CNTN1: variants seen among roughly 807,000 people sequenced by gnomAD.
CNTN1 encodes the protein contactin 1.
CNTN1 carries 38 observed loss-of-function variants against 126.4 expected under a neutral mutation model. The observed-to-expected ratio is 0.30, with a 90% CI of 0.23 to 0.39. The LOEUF is 0.39. CNTN1 is among the 10% of genes least tolerant of loss of function. CNTN1 has a pLI of 1.00. For synonymous variants in CNTN1, 413 were observed against 422.6 expected, an observed-to-expected ratio of 0.98 and a Z score of 0.28; for missense variants, 1,009 against 1,248.4, an observed-to-expected ratio of 0.81 and a Z score of 2.89.
intron 11 of CNTN1, among the ~76,000 whole-genome samples, chr12:40,938,064 G>A (rs1046790482): frequency 6.6e-6 from 1 of 152,142 alleles, no homozygotes; most frequent in Admixed American, 6.6e-5. Flanking sequence ...TCAAAACCCA[G>A]ATGAAGATAT....
intron 1 of CNTN1, among the ~76,000 whole-genome samples, chr12:40,698,708 C>T (rs1204400072): frequency 6.6e-6 from 1 of 152,110 alleles, no homozygotes; most frequent in Non-Finnish European, 1.5e-5. Flanking sequence ...TATTCTTCCT[C>T]TGCTGAAAAT....
At chr12:40,827,222 GC>G (rs1941643506) in intron 1 of CNTN1, among the ~76,000 whole-genome samples, 2 of 151,492 alleles carry the variant, frequency 1.3e-5, no homozygotes, top group Non-Finnish European at 1.5e-5. Flanking sequence ...GTTCTTAGAA[GC>G]TTAAATTCTA....
At chr12:40,977,807 T>C (rs1947720690) in intron 15 of CNTN1, among the ~76,000 whole-genome samples, 1 of 106,114 alleles carries the variant, frequency 9.4e-6, no homozygotes, top group Non-Finnish European at 2.2e-5. Flanking sequence ...TTTTGTTTTG[T>C]TTTGTTTTGT....
chr12:40,703,644 C>T (rs1941657704), intron 1 of CNTN1, among the ~76,000 whole-genome samples: 1 of 152,172 alleles, frequency 6.6e-6, no homozygotes, highest in South Asian at 2.1e-4. Flanking sequence ...CCTCTCAAAG[C>T]TGCTTGTTCT....
At chr12:40,911,484 G>A (rs1322213121) in intron 3 of CNTN1, among the ~76,000 whole-genome samples, 1 of 152,152 alleles carries the variant, frequency 6.6e-6, no homozygotes, top group Non-Finnish European at 1.5e-5. Context: ...TATTCACTAA[G>A]TATTTTTTAA....
intron 1 of CNTN1, among the ~76,000 whole-genome samples, chr12:40,824,292 A>G (rs886143737): frequency 1.8e-4 from 28 of 152,132 alleles, no homozygotes; most frequent in African/African-American, 6.5e-4. Context: ...AAAGCTTATC[A>G]TGTAATGTCC....
chr12:40,993,332 A>G (rs1948137231), intron 17 of CNTN1, 63 bp downstream of exon 17: 15 of 1,343,840 alleles, frequency 1.1e-5, no homozygotes, highest in Admixed American at 1.1e-4. Context: ...ACTTTCATAT[A>G]TGGTTGAATG....
chr12:40,835,870 G>T (rs1942030587), intron 1 of CNTN1, among the ~76,000 whole-genome samples: 1 of 150,194 alleles, frequency 6.7e-6, no homozygotes, highest in East Asian at 2.0e-4. Flanking sequence ...AGAACCAGAT[G>T]AGGCAAATTC....
At chr12:41,005,243 T>C (rs1265763652) in intron 17 of CNTN1, 2 of 152,214 alleles carry the variant, frequency 1.3e-5, no homozygotes, top group African/African-American at 4.8e-5. Flanking sequence ...TCTGTAAGAA[T>C]GTTGAATATT....
At chr12:40,712,659 C>T (rs58614599) in intron 1 of CNTN1, among the ~76,000 whole-genome samples, 5,059 of 152,060 alleles carry the variant, frequency 0.033, 107 homozygotes, top group Non-Finnish European at 0.049. Flanking sequence ...AAAATAAATG[C>T]CTGTTGTAAT....
rs185895561 is a variant in CNTN1, at chr12:41,066,490, G to A, written c.2981-3469G>A. Among the ~76,000 whole-genome samples, 88 of 152,196 alleles carry A rather than the reference G, an allele frequency of 5.8e-4. 1 individual carries two copies. The highest frequency in any genetic ancestry group is 2.0e-3 in the African/African-American group (85 of 41,534). On this transcript the variant is annotated intron_variant, in intron 23 of 23. Coordinates refer to ENST00000551295, the MANE Select transcript of CNTN1 (RefSeq NM_001843.4). The stretch of plus-strand genomic sequence containing the variant: ...TGAGTACTTTCTATGCACTAGGCTT[G>A]GTATTAGTCAACACAGCTAAAACAT...
At chr12:40,863,075 A>G (rs1376287058) in intron 1 of CNTN1, among the ~76,000 whole-genome samples, 1 of 152,194 alleles carries the variant, frequency 6.6e-6, no homozygotes, top group Non-Finnish European at 1.5e-5. Flanking sequence ...GAAGATGTTC[A>G]TGAGAGCACT....
At chr12:41,056,939 ATTTATAATATTTAGATAT>A (rs1566234080) in intron 23 of CNTN1, among the ~76,000 whole-genome samples, 12 of 94,290 alleles carry the variant, frequency 1.3e-4, no homozygotes, top group African/African-American at 3.8e-4. Context: ...ATTTATAAAT[ATTTATAATATTTAGATAT>A]TTATAAATAT....
intron 1 of CNTN1, chr12:40,896,237 C>T (rs1239859049): frequency 2.0e-5 from 3 of 152,120 alleles, no homozygotes; most frequent in Admixed American, 6.6e-5. Flanking sequence ...ATTAATCACA[C>T]ACTGTGCAAA....
At chr12:40,771,269 C>A (rs1333540153) in intron 1 of CNTN1, among the ~76,000 whole-genome samples, 3 of 152,066 alleles carry the variant, frequency 2.0e-5, no homozygotes. Flanking sequence ...AGAACCATTT[C>A]TCAGGCTTGC....
intron 1 of CNTN1, among the ~76,000 whole-genome samples, chr12:40,802,096 C>T (rs553718373): frequency 3.3e-5 from 5 of 151,874 alleles, no homozygotes; most frequent in African/African-American, 9.6e-5. Context: ...GAAGGAAGAC[C>T]AGATTTTGGG....
intron 14 of CNTN1, among the ~76,000 whole-genome samples, chr12:40,955,334 G>A (rs1037418615): frequency 2.0e-5 from 3 of 152,002 alleles, no homozygotes; most frequent in African/African-American, 4.8e-5. Flanking sequence ...ACATAGGGGT[G>A]GGAAAAGTTA....
intron 1 of CNTN1, among the ~76,000 whole-genome samples, chr12:40,790,846 C>A (rs1409390385): frequency 6.6e-6 from 1 of 152,108 alleles, no homozygotes; most frequent in Non-Finnish European, 1.5e-5. Flanking sequence ...AAAACTAATT[C>A]TACCTAATTC....
intron 7 of CNTN1, 152 bp downstream of exon 7, chr12:40,930,154 G>A (rs1167428388): frequency 4.3e-6 from 3 of 696,118 alleles, no homozygotes; most frequent in Admixed American, 2.4e-5. Flanking sequence ...CAAAGGCTTG[G>A]TCCTAAGCTT....
Sources: gnomAD v4.1 joint callset for allele counts (sites outside exome capture counted in the v4.1 genomes callset) on GRCh38, gnomAD v4.1.1 for gene constraint, MANE v1.5 for transcripts, NCBI Gene and HGNC (gene_info 2026-07-23, HGNC 2026-07-21) for gene names.